SHISA9: variants seen among roughly 807,000 people sequenced by gnomAD.
The protein encoded by SHISA9 is shisa family member 9.
SHISA9 carries 13 observed loss-of-function variants against 38.0 expected under a neutral mutation model. The observed-to-expected ratio is 0.34, with a 90% CI of 0.22 to 0.54. The LOEUF is 0.54. Among genes scored for constraint, SHISA9 ranks in the 20% least tolerant of loss-of-function variants. SHISA9 has a pLI of 0.91. For missense variants in SHISA9, 538 were observed against 575.8 expected (o/e 0.93, Z 0.67); for synonymous variants, 275 against 242.0 (o/e 1.14, Z -1.27).
chr16:13,042,847 C>G (rs780782199), intron 2 of SHISA9, among the ~76,000 whole-genome samples: 2 of 152,166 alleles, frequency 1.3e-5, no homozygotes, highest in African/African-American at 2.4e-5. Context: ...GAAACCTTTT[C>G]CTTGGCTGCC....
chr16:13,233,685 G>A (rs984308878), intron 4 of SHISA9, among the ~76,000 whole-genome samples: 1 of 152,194 alleles, frequency 6.6e-6, no homozygotes, highest in Non-Finnish European at 1.5e-5. Flanking sequence ...ATTTGGCCCC[G>A]TGGGCTATAG....
intron 2 of SHISA9, among the ~76,000 whole-genome samples, chr16:13,038,146 T>C (rs937622875): frequency 6.6e-6 from 1 of 152,112 alleles, no homozygotes; most frequent in African/African-American, 2.4e-5. Flanking sequence ...TGCACCATCA[T>C]GCCTGGCTAA....
At chr16:13,157,298 C>T (rs527416678) in intron 2 of SHISA9, among the ~76,000 whole-genome samples, 7 of 152,258 alleles carry the variant, frequency 4.6e-5, no homozygotes, top group South Asian at 4.1e-4. Context: ...TGTGAAGCTT[C>T]GCACTAATAT....
the SHISA9 span, among the ~76,000 whole-genome samples, chr16:13,356,078 G>A: frequency 1.3e-5 from 2 of 152,232 alleles, no homozygotes; most frequent in African/African-American, 4.8e-5. Context: ...GGCCACTGCG[G>A]TTCAGGCGTT....
At chr16:12,940,268 C>A (rs971927090) in intron 2 of SHISA9, among the ~76,000 whole-genome samples, 1 of 152,126 alleles carries the variant, frequency 6.6e-6, no homozygotes, top group Non-Finnish European at 1.5e-5. Context: ...AACAGCTTAT[C>A]CAGTTTCCCT....
the SHISA9 span, among the ~76,000 whole-genome samples, chr16:13,365,309 G>T: frequency 1.3e-5 from 2 of 152,134 alleles, no homozygotes; most frequent in Non-Finnish European, 2.9e-5. Context: ...TGGCAAGGAG[G>T]ACCTACAATG....
At chr16:13,353,292 A>G in the SHISA9 span, among the ~76,000 whole-genome samples, 1 of 152,214 alleles carries the variant, frequency 6.6e-6, no homozygotes, top group African/African-American at 2.4e-5. Flanking sequence ...CTGAAAAACT[A>G]AATGGAATAA....
chr16:13,149,148 C>T (rs1435490228), intron 2 of SHISA9, among the ~76,000 whole-genome samples: 1 of 152,168 alleles, frequency 6.6e-6, no homozygotes, highest in African/African-American at 2.4e-5. Flanking sequence ...ACCAAAAACC[C>T]TGCTTGGTAA....
intron 2 of SHISA9, among the ~76,000 whole-genome samples, chr16:13,054,797 G>T (rs2141903028): frequency 6.6e-6 from 1 of 152,300 alleles, no homozygotes; most frequent in East Asian, 1.9e-4. Flanking sequence ...TGTTCAACTT[G>T]CTCTCTGCCT....
chr16:12,978,442 A>T (rs2072195160), intron 2 of SHISA9, among the ~76,000 whole-genome samples: 1 of 152,246 alleles, frequency 6.6e-6, no homozygotes, highest in South Asian at 2.1e-4. Context: ...TGCAGAATGT[A>T]ATTATTCTCC....
At chr16:13,332,691 G>A in the SHISA9 span, 1 of 152,172 alleles carries the variant, frequency 6.6e-6, no homozygotes, top group East Asian at 1.9e-4. Context: ...CCCAGAGAGA[G>A]AAGAACAACT....
chr16:13,003,565 T>C (rs2072552836), intron 2 of SHISA9, among the ~76,000 whole-genome samples: 1 of 152,080 alleles, frequency 6.6e-6, no homozygotes. Flanking sequence ...CAGCAAATAA[T>C]GATGAGTTAC....
intron 2 of SHISA9, among the ~76,000 whole-genome samples, chr16:13,130,563 G>T (rs1273136054): frequency 2.0e-5 from 3 of 152,146 alleles, no homozygotes; most frequent in East Asian, 3.8e-4. Context: ...GAGTTTCAGT[G>T]TAGTATATAA....
At chr16:13,089,277 C>G (rs912293733) in intron 2 of SHISA9, among the ~76,000 whole-genome samples, 7 of 152,100 alleles carry the variant, frequency 4.6e-5, no homozygotes, top group Non-Finnish European at 5.9e-5. Flanking sequence ...TTTGTTGTGT[C>G]TCTGCCAGGC....
intron 2 of SHISA9, among the ~76,000 whole-genome samples, chr16:13,069,318 T>C (rs1168091289): frequency 6.6e-6 from 1 of 152,154 alleles, no homozygotes; most frequent in Admixed American, 6.5e-5. Flanking sequence ...TGTATACATG[T>C]ACACACAATG....
chr16:13,466,167 TCTA>T, the SHISA9 span, among the ~76,000 whole-genome samples: 1 of 152,192 alleles, frequency 6.6e-6, no homozygotes, highest in African/African-American at 2.4e-5. Flanking sequence ...GAGAAATGCT[TCTA>T]CTAGGAAACA....
chr16:13,469,445 G>C, the SHISA9 span, among the ~76,000 whole-genome samples: 1 of 149,536 alleles, frequency 6.7e-6, no homozygotes, highest in African/African-American at 2.5e-5. Flanking sequence ...GAGAAAGAAA[G>C]AGAAAGAACT....
the SHISA9 span, among the ~76,000 whole-genome samples, chr16:13,548,119 G>C: frequency 6.6e-6 from 1 of 152,104 alleles, no homozygotes; most frequent in Non-Finnish European, 1.5e-5. Flanking sequence ...TATGGGAAAG[G>C]ACAGTCTCTT....
chr16:13,388,769 A>G, the SHISA9 span, among the ~76,000 whole-genome samples: 2 of 97,914 alleles, frequency 2.0e-5, no homozygotes, highest in East Asian at 8.5e-4. Context: ...TTTTAGATGG[A>G]AGGGAAAACC....
Sources: allele counts gnomAD v4.1 joint callset (sites outside exome capture counted in the v4.1 genomes callset), GRCh38; gene constraint gnomAD v4.1.1; transcripts MANE v1.5; gene names NCBI Gene and HGNC (gene_info 2026-07-23, HGNC 2026-07-21).